The following NAMPT variants were observed in gnomAD, a reference collection of about 807,000 sequenced individuals.
NAMPT encodes the protein NAmPRTase.
In NAMPT, 7 loss-of-function variants were observed where a neutral mutation model predicts 58.7. The ratio of observed to expected loss-of-function variants is 0.12; its 90% CI spans 0.07 to 0.22. The LOEUF (loss-of-function observed/expected upper bound fraction) is 0.22, where lower values mean the gene tolerates loss of function less well. Among genes scored for constraint, NAMPT ranks in the 10% least tolerant of loss-of-function variants. NAMPT has a pLI of 1.00. For missense variants in NAMPT, 271 were observed against 567.9 expected, an observed-to-expected ratio of 0.48 and a Z score of 5.31; for synonymous variants, 145 against 198.1, an observed-to-expected ratio of 0.73 and a Z score of 2.25.
At chr7:106,255,778 A>G (rs542348948) in intron 8 of NAMPT, among the ~76,000 whole-genome samples, 3 of 152,334 alleles carry the variant, frequency 2.0e-5, no homozygotes, top group Admixed American at 2.0e-4. Flanking sequence ...TTTCCTTTAA[A>G]TAATTGTGAA....
chr7:106,254,525 A>AAAACC (rs1477675340), intron 8 of NAMPT, 21 bp from the exon 9 acceptor site: 2 of 1,610,996 alleles, frequency 1.2e-6, no homozygotes, highest in Non-Finnish European at 1.7e-6. Flanking sequence ...AAAACAAAAC[A>AAAACC]AAACCAAACC....
At chr7:106,274,907 A>G (rs749772575) in intron 3 of NAMPT, 39 bp downstream of exon 3, 1 of 1,407,458 alleles carries the variant, frequency 7.1e-7, no homozygotes, top group Non-Finnish European at 9.8e-7. Context: ...GAACTGAAAG[A>G]AAAACCAAAA....
chr7:106,274,919 A>G, intron 3 of NAMPT, 27 bp downstream of exon 3: 1 of 1,463,880 alleles, frequency 6.8e-7, no homozygotes, highest in Non-Finnish European at 9.4e-7. Flanking sequence ...AAACCAAAAC[A>G]GATCAAAAGA....
chr7:106,274,375 T>C (rs1286386414), intron 3 of NAMPT, among the ~76,000 whole-genome samples: 1 of 152,138 alleles, frequency 6.6e-6, no homozygotes, highest in Admixed American at 6.5e-5. Flanking sequence ...TTAGACTTGC[T>C]GTAGATTCTA....
chr7:106,276,782 C>T (rs910260293), intron 2 of NAMPT: 16 of 363,640 alleles, frequency 4.4e-5, no homozygotes, highest in Middle Eastern at 8.6e-4. Context: ...GCGGAGGTTG[C>T]GCTGAGTTGA....
At chr7:106,261,008 T>C (rs545316139) in intron 8 of NAMPT, among the ~76,000 whole-genome samples, 1 of 152,216 alleles carries the variant, frequency 6.6e-6, no homozygotes, top group African/African-American at 2.4e-5. Context: ...AGTGAATACA[T>C]GTTGGAAAAA....
upstream of NAMPT, chr7:106,285,150 C>T (rs1792848413): frequency 1.3e-5 from 16 of 1,271,018 alleles, no homozygotes; most frequent in Non-Finnish European, 1.6e-5. Context: ...CCGCCTTCAC[C>T]CCGTCACCCT....
chr7:106,256,895 G>T (rs894094652), intron 8 of NAMPT, among the ~76,000 whole-genome samples: 4 of 152,046 alleles, frequency 2.6e-5, no homozygotes, highest in Admixed American at 2.6e-4. Context: ...TATTTTTCTG[G>T]CCAGGCGCAA....
chr7:106,280,433 C>T (rs938527702), intron 1 of NAMPT, among the ~76,000 whole-genome samples: 3 of 152,126 alleles, frequency 2.0e-5, no homozygotes, highest in Admixed American at 1.3e-4. Context: ...AAAGTTAACA[C>T]AGAAAGCTCT....
At chr7:106,254,605 T>G (rs1792167324) in intron 8 of NAMPT, 101 bp from the exon 9 acceptor site, 2 of 1,307,866 alleles carry the variant, frequency 1.5e-6, no homozygotes, top group Non-Finnish European at 2.1e-6. Flanking sequence ...CATCCAAGAC[T>G]GTTTTATAAC....
chr7:106,268,856 C>G (rs1431554300), intron 5 of NAMPT, among the ~76,000 whole-genome samples: 1 of 152,188 alleles, frequency 6.6e-6, no homozygotes, highest in African/African-American at 2.4e-5. Flanking sequence ...TTTCATCACT[C>G]TCTCTTCCCT....
At chr7:106,280,540 A>G (rs1234842079) in intron 1 of NAMPT, among the ~76,000 whole-genome samples, 2 of 152,246 alleles carry the variant, frequency 1.3e-5, no homozygotes, top group African/African-American at 2.4e-5. Flanking sequence ...TGTAAACCAA[A>G]CAAAATACCT....
intron 8 of NAMPT, among the ~76,000 whole-genome samples, chr7:106,259,503 C>G (rs1792265931): frequency 6.6e-6 from 1 of 152,170 alleles, no homozygotes; most frequent in South Asian, 2.1e-4. Context: ...TCTTGGCACA[C>G]TACAGCCTCT....
chr7:106,277,283 T>C (rs984460807), intron 1 of NAMPT, 104 bp from the exon 2 acceptor site: 33 of 954,372 alleles, frequency 3.5e-5, no homozygotes, highest in Middle Eastern at 2.3e-4. Flanking sequence ...ACTATATTTC[T>C]TGTTTGCTAT....
chr7:106,260,704 TA>T (rs1017401538), intron 8 of NAMPT, among the ~76,000 whole-genome samples: 6 of 152,198 alleles, frequency 3.9e-5, no homozygotes, highest in African/African-American at 1.4e-4. Context: ...TTCACTTGAA[TA>T]CTCAGAGGCC....
At chr7:106,267,796 C>G (rs1470341235) in intron 6 of NAMPT, among the ~76,000 whole-genome samples, 2 of 125,916 alleles carry the variant, frequency 1.6e-5, no homozygotes, top group South Asian at 2.5e-4. Flanking sequence ...AGCCGAGATC[C>G]CGCCACTGCA....
At position 106,268,415 on chromosome 7, in the gene NAMPT, A is replaced by T. The variant is rs370434165; in HGVS notation, c.743+49T>A. The T allele has an allele frequency of 8.3e-5, 130 of 1,569,320 alleles. No homozygotes were observed. In the African/African-American group the frequency reaches 1.5e-3, roughly 19 times the overall value. ...GGTAAAATGTCACTGAGTTACAAAT[A>T]CAAGAGTGAAAAAATTAGTAGTTTT... On this transcript the variant is annotated intron_variant, in intron 6 of 10. Coordinates refer to ENST00000222553, the MANE Select transcript of NAMPT (RefSeq NM_005746.3).
rs1358578963 is a variant in NAMPT, at chr7:106,250,217, T to TGTAA, written c.*862_*865dup. On this transcript the variant is annotated 3_prime_UTR_variant, in exon 11 of 11. Coordinates refer to ENST00000222553, the MANE Select transcript of NAMPT (RefSeq NM_005746.3). ...CTTTAAAATACACTACTTCCACTTT[T>TGTAA]GTAAGTATTTTACATTTATGTATAT... 6.6e-6 allele frequency: 1 copy of TGTAA among 152,394 alleles called. No homozygotes were observed. The allele number at this position is 152,394 out of a possible 1,614,324, so 9.4% of individuals were successfully genotyped here.
chr7:106,273,122 G>A (rs1401832662), intron 3 of NAMPT, among the ~76,000 whole-genome samples: 1 of 152,186 alleles, frequency 6.6e-6, no homozygotes, highest in Non-Finnish European at 1.5e-5. Context: ...AAAACAAAAC[G>A]AGAGAGAAGG....
Sources: allele counts gnomAD v4.1 joint callset (sites outside exome capture counted in the v4.1 genomes callset), GRCh38; gene constraint gnomAD v4.1.1; transcripts MANE v1.5; gene names NCBI Gene and HGNC (gene_info 2026-07-23, HGNC 2026-07-21).